The following SLC1A1 variants were observed in gnomAD, a reference collection of about 807,000 sequenced individuals.
SLC1A1 encodes solute carrier family 1 member 1, also known as excitatory amino acid transporter 3.
In SLC1A1, 43 loss-of-function variants were observed where a neutral mutation model predicts 53.3. That is an observed-to-expected ratio of 0.81 (90% CI 0.63 to 1.04). The LOEUF is 1.04. Ranked by LOEUF, SLC1A1 falls within the 50% of genes least tolerant of loss-of-function variation. The probability of loss-of-function intolerance (pLI) is 0.00; values close to 1 mark genes in which losing one functional copy is unlikely to be tolerated. For synonymous variants in SLC1A1, 307 were observed against 243.2 expected (o/e 1.26, Z -2.44); for missense variants, 748 against 664.9 (o/e 1.12, Z -1.37).
intron 4 of SLC1A1, 33 bp downstream of exon 4, chr9:4,564,491 C>A: frequency 7.8e-7 from 1 of 1,284,728 alleles, no homozygotes; most frequent in Non-Finnish European, 1.1e-6. Context: ...GCTTCAAGGG[C>A]ATGCGGATAG....
At chr9:4,510,024 G>T (rs997308061) in intron 1 of SLC1A1, among the ~76,000 whole-genome samples, 5 of 152,112 alleles carry the variant, frequency 3.3e-5, no homozygotes, top group African/African-American at 1.2e-4. Context: ...AGTAGAAATG[G>T]GGTTTTGCTG....
chr9:4,580,784 A>G (rs1821024958), intron 10 of SLC1A1, among the ~76,000 whole-genome samples: 2 of 152,144 alleles, frequency 1.3e-5, no homozygotes, highest in Admixed American at 1.3e-4. Flanking sequence ...CTGCAGTAGC[A>G]GTAGTAATAA....
intron 4 of SLC1A1, among the ~76,000 whole-genome samples, chr9:4,565,343 T>C (rs1564047616): frequency 1.3e-5 from 2 of 152,216 alleles, no homozygotes; most frequent in Non-Finnish European, 2.9e-5. Flanking sequence ...TTGGTAAGTG[T>C]ATTAGTCCAT....
intron 2 of SLC1A1, among the ~76,000 whole-genome samples, chr9:4,546,561 C>T (rs971384382): frequency 3.3e-5 from 5 of 152,190 alleles, no homozygotes; most frequent in African/African-American, 7.2e-5. Flanking sequence ...CCACTACTCC[C>T]GATTGCCCAG....
At chr9:4,534,335 G>A (rs1037005818) in intron 1 of SLC1A1, among the ~76,000 whole-genome samples, 1 of 152,130 alleles carries the variant, frequency 6.6e-6, no homozygotes, top group Non-Finnish European at 1.5e-5. Flanking sequence ...AAGAAGAAAA[G>A]AGAGAAGAAT....
chr9:4,522,017 ACT>A (rs1322042193), intron 1 of SLC1A1, among the ~76,000 whole-genome samples: 3 of 145,258 alleles, frequency 2.1e-5, no homozygotes, highest in Non-Finnish European at 3.0e-5. Context: ...TTCCAAGTAT[ACT>A]TCTAATGAAT....
chr9:4,493,279 G>A (rs1462316610), intron 1 of SLC1A1, among the ~76,000 whole-genome samples: 1 of 152,108 alleles, frequency 6.6e-6, no homozygotes, highest in East Asian at 1.9e-4. Flanking sequence ...CATTAACAGG[G>A]GTCCTTTTCT....
intron 10 of SLC1A1, 119 bp from the exon 11 acceptor site, chr9:4,582,919 C>A (rs1821233908): frequency 7.6e-7 from 1 of 1,311,568 alleles, no homozygotes; most frequent in Non-Finnish European, 1.1e-6. Flanking sequence ...TTCTAACTAC[C>A]CAATTTAGGG....
intron 5 of SLC1A1, among the ~76,000 whole-genome samples, chr9:4,567,372 C>T (rs948038645): frequency 2.0e-5 from 3 of 152,220 alleles, no homozygotes; most frequent in Non-Finnish European, 4.4e-5. Flanking sequence ...CAGATCAAGC[C>T]TGTACTTTCT....
chr9:4,497,428 C>A (rs10814993), intron 1 of SLC1A1, among the ~76,000 whole-genome samples: 90,064 of 151,968 alleles, frequency 0.59, 29,055 homozygotes, highest in East Asian at 1. Flanking sequence ...AAGGGAAGGA[C>A]GTTTGTGTTG....
chr9:4,544,806 T>C, intron 2 of SLC1A1, 99 bp downstream of exon 2: 1 of 1,036,096 alleles, frequency 9.7e-7, no homozygotes. Context: ...AGAGGTTTAA[T>C]TGACTCACAG....
chr9:4,532,565 A>T (rs979080303), intron 1 of SLC1A1, among the ~76,000 whole-genome samples: 1 of 152,206 alleles, frequency 6.6e-6, no homozygotes, highest in African/African-American at 2.4e-5. Context: ...GGACTATGTG[A>T]AAAGACCAAA....
intron 1 of SLC1A1, among the ~76,000 whole-genome samples, chr9:4,533,080 G>GA (rs1816537502): frequency 6.6e-6 from 1 of 152,108 alleles, no homozygotes; most frequent in Non-Finnish European, 1.5e-5. Flanking sequence ...ACATGGAAAG[G>GA]AAAAACCGGT....
intron 1 of SLC1A1, among the ~76,000 whole-genome samples, chr9:4,501,696 A>G (rs1423091193): frequency 6.6e-6 from 1 of 151,630 alleles, no homozygotes; most frequent in Admixed American, 6.6e-5. Context: ...CCCTGGAGGC[A>G]GAGGTCGCAG....
At chr9:4,574,913 G>C (rs1241281599) in intron 8 of SLC1A1, among the ~76,000 whole-genome samples, 1 of 152,212 alleles carries the variant, frequency 6.6e-6, no homozygotes. Context: ...CACAGAGGCA[G>C]ATTTGGTCCC....
chr9:4,524,395 A>T (rs2130837978), intron 1 of SLC1A1, among the ~76,000 whole-genome samples: 1 of 152,206 alleles, frequency 6.6e-6, no homozygotes, highest in East Asian at 1.9e-4. Flanking sequence ...TCCCCTCCAG[A>T]CCAATGCAGA....
intron 5 of SLC1A1, 101 bp downstream of exon 5, chr9:4,566,190 G>T: frequency 3.8e-6 from 4 of 1,051,924 alleles, no homozygotes; most frequent in Non-Finnish European, 5.9e-6. Flanking sequence ...TTAGCCCCGT[G>T]AAAATGGCAG....
rs755186294 is a variant in SLC1A1, at chr9:4,585,578, C to T, written c.*20C>T. ...TTCTAGGGCCCCTGGCTGCAGATGA[C>T]TGGAAACAAGGAAGGACATTTCCGT... is the stretch of plus-strand genomic sequence containing the variant. On this transcript the variant is annotated 3_prime_UTR_variant, in exon 12 of 12. Transcript: ENST00000262352. 6.2e-7 allele frequency: 1 copy of T among 1,614,154 alleles called. No individual in the cohort carries two copies. The highest frequency in any genetic ancestry group is 2.2e-5 in the East Asian group (1 of 44,890).
intron 1 of SLC1A1, among the ~76,000 whole-genome samples, chr9:4,516,972 G>T (rs1324989498): frequency 6.6e-6 from 1 of 152,172 alleles, no homozygotes; most frequent in Non-Finnish European, 1.5e-5. Context: ...GGAAGAAACA[G>T]AACTTTGGTG....
Sources: gnomAD v4.1 joint callset for allele counts (sites outside exome capture counted in the v4.1 genomes callset) on GRCh38, gnomAD v4.1.1 for gene constraint, MANE v1.5 for transcripts, NCBI Gene and HGNC (gene_info 2026-07-23, HGNC 2026-07-21) for gene names.